Variants in PCDH15 observed in about 807,000 individuals in gnomAD.
PCDH15 encodes the protein protocadherin related 15.
PCDH15 carries 129 observed loss-of-function variants against 178.5 expected under a neutral mutation model. That is an observed-to-expected ratio of 0.72 (90% confidence interval 0.63 to 0.84). The LOEUF (loss-of-function observed/expected upper bound fraction) is 0.84, where lower values mean the gene tolerates loss of function less well. PCDH15 is among the 40% of genes least tolerant of loss of function. The pLI, the probability that PCDH15 is intolerant of heterozygous loss-of-function variation, is 0.00. For missense variants in PCDH15, 2,230 were observed against 2,099.9 expected (o/e 1.06, Z -1.21); for synonymous variants, 800 against 732.0 (o/e 1.09, Z -1.50).
chr10:54,017,074 A>G (rs914287214), intron 20 of PCDH15, among the ~76,000 whole-genome samples: 2 of 152,034 alleles, frequency 1.3e-5, no homozygotes, highest in Non-Finnish European at 2.9e-5. Context: ...CCCGGGCTGG[A>G]GTACAGTGCT....
intron 3 of PCDH15, among the ~76,000 whole-genome samples, chr10:54,447,023 C>T (rs749589593): frequency 2.6e-5 from 4 of 151,608 alleles, no homozygotes; most frequent in Non-Finnish European, 5.9e-5. Context: ...CCCTCTCTTA[C>T]TCTCTGGCTG....
At chr10:54,856,671 A>G (rs1185703246) in intron 3 of PCDH15, among the ~76,000 whole-genome samples, 1 of 152,120 alleles carries the variant, frequency 6.6e-6, no homozygotes, top group Admixed American at 6.6e-5. Context: ...TATCCTTAAC[A>G]TATTTATATT....
rs531971156 is a variant in PCDH15 at position 55,179,166 on chromosome 10, TG to T, written c.-155-12516del. On this transcript the variant is annotated intron_variant, in intron 1 of 5. Coordinates refer to the PCDH15 transcript ENST00000458638. ...CCTCAGATGATGGCTCCCTTTTTAC[TG>T]GGGACCCTTAGATAGGCCTCTGAGA... Among the ~76,000 whole-genome samples the T allele has an allele frequency of 1.6e-4, 24 of 152,254 alleles. No homozygotes were observed. The South Asian group carries it at 4.8e-3, about 30-fold the overall frequency.
chr10:55,154,060 T>A (rs1176537890), intron 2 of PCDH15, among the ~76,000 whole-genome samples: 1 of 152,138 alleles, frequency 6.6e-6, no homozygotes, highest in East Asian at 1.9e-4. Context: ...AATGGGTCGC[T>A]CCTATACAAT....
rs141961146 is a variant in PCDH15 at position 53,999,009 on chromosome 10, C to T, written c.2752-3244G>A. On this transcript the variant is annotated intron_variant, in intron 20 of 37. Transcript: ENST00000644397. ...CGGATGTTGCAGTGAGCCGAGATCGCGCCATTGCACTCCAGCCTGGGTGAC... is the reference window on the plus strand; with the variant it reads ...CGGATGTTGCAGTGAGCCGAGATCGTGCCATTGCACTCCAGCCTGGGTGAC... Among the ~76,000 whole-genome samples, 877 of 147,236 alleles carry T rather than the reference C, an allele frequency of 6.0e-3. 3 individuals are homozygous for T. Among genetic ancestry groups the T allele is most frequent in the Non-Finnish European group, 9.5e-3 (643 of 67,358 alleles).
chr10:54,410,007 G>A (rs1309149097), intron 3 of PCDH15, among the ~76,000 whole-genome samples: 3 of 152,032 alleles, frequency 2.0e-5, no homozygotes, highest in African/African-American at 7.2e-5. Context: ...TTCTGTTACA[G>A]CAACAGAAAA....
chr10:55,095,633 T>C (rs896468443), intron 2 of PCDH15, among the ~76,000 whole-genome samples: 2 of 152,080 alleles, frequency 1.3e-5, no homozygotes, highest in African/African-American at 4.8e-5. Flanking sequence ...TTAAGATTAT[T>C]TAATTATTAT....
chr10:54,745,373 G>GA (rs11392477), intron 1 of PCDH15, among the ~76,000 whole-genome samples: 117,828 of 150,752 alleles, frequency 0.78, 46,272 homozygotes, highest in East Asian at 1. Flanking sequence ...TATACACACA[G>GA]AAAAAAAAAC....
intron 1 of PCDH15, among the ~76,000 whole-genome samples, chr10:55,183,129 T>G (rs1839697911): frequency 6.6e-6 from 1 of 151,988 alleles, no homozygotes; most frequent in Non-Finnish European, 1.5e-5. Flanking sequence ...TTGAAAAAGT[T>G]GTTACTTATC....
intron 5 of PCDH15, among the ~76,000 whole-genome samples, chr10:54,365,825 C>A (rs1171293417): frequency 6.6e-6 from 1 of 152,012 alleles, no homozygotes; most frequent in Non-Finnish European, 1.5e-5. Context: ...CATTTGAAAC[C>A]TTGTTATAAC....
At chr10:54,995,328 A>T (rs1839611269) in intron 2 of PCDH15, among the ~76,000 whole-genome samples, 1 of 149,832 alleles carries the variant, frequency 6.7e-6, no homozygotes, top group Non-Finnish European at 1.5e-5. Flanking sequence ...GTGAGTAGAG[A>T]TCGCATCACT....
chr10:54,857,634 T>G (rs1205384357), intron 3 of PCDH15, among the ~76,000 whole-genome samples: 1 of 151,566 alleles, frequency 6.6e-6, no homozygotes, highest in Non-Finnish European at 1.5e-5. Flanking sequence ...TTTTTTTTTT[T>G]TAGAGATAGG....
intron 1 of PCDH15, among the ~76,000 whole-genome samples, chr10:55,257,350 G>A (rs1347799417): frequency 6.6e-6 from 1 of 152,188 alleles, no homozygotes; most frequent in Non-Finnish European, 1.5e-5. Context: ...CTCTTCACCA[G>A]CAACGGAACA....
intron 2 of PCDH15, among the ~76,000 whole-genome samples, chr10:54,950,833 C>T (rs1838321052): frequency 6.6e-6 from 1 of 151,796 alleles, no homozygotes; most frequent in Non-Finnish European, 1.5e-5. Flanking sequence ...CATAGTCAAA[C>T]TATATCTGTT....
chr10:54,146,364 G>A (rs745652362), intron 14 of PCDH15, among the ~76,000 whole-genome samples: 12 of 151,742 alleles, frequency 7.9e-5, no homozygotes, highest in South Asian at 2.1e-4. Flanking sequence ...CATTTTTATC[G>A]TAATTTTATT....
At chr10:54,874,968 T>C (rs1349660007) in intron 3 of PCDH15, among the ~76,000 whole-genome samples, 1 of 152,110 alleles carries the variant, frequency 6.6e-6, no homozygotes, top group East Asian at 1.9e-4. Flanking sequence ...GATTTGCAAA[T>C]AGCAAATTGA....
At chr10:55,136,792 G>A (rs1376551230) in intron 2 of PCDH15, among the ~76,000 whole-genome samples, 1 of 152,066 alleles carries the variant, frequency 6.6e-6, no homozygotes, top group African/African-American at 2.4e-5. Context: ...AGTTTAACCA[G>A]TCATCTCTCT....
At chr10:55,117,146 G>C (rs1349108308) in intron 2 of PCDH15, among the ~76,000 whole-genome samples, 2 of 152,126 alleles carry the variant, frequency 1.3e-5, no homozygotes, top group Non-Finnish European at 2.9e-5. Context: ...CTTTTCTCTT[G>C]TTAATCGATC....
chr10:55,423,617 T>C (rs1450361731), intron 2 of PCDH15, among the ~76,000 whole-genome samples: 2 of 152,028 alleles, frequency 1.3e-5, no homozygotes, highest in Non-Finnish European at 2.9e-5. Context: ...GCTTTCTATA[T>C]AGGAGCTTGT....
Sources: gnomAD v4.1 joint callset for allele counts (sites outside exome capture counted in the v4.1 genomes callset) on GRCh38, gnomAD v4.1.1 for gene constraint, MANE v1.5 for transcripts, NCBI Gene and HGNC (gene_info 2026-07-23, HGNC 2026-07-21) for gene names.